The following MTERF4 variants were observed in gnomAD, a reference collection of about 807,000 sequenced individuals.
The protein encoded by MTERF4 is transcription termination factor 4, mitochondrial.
A neutral mutation model predicts 22.5 loss-of-function variants in MTERF4; 17 were observed. The observed-to-expected ratio is 0.75, with a 90% CI of 0.52 to 1.13. MTERF4 has a LOEUF of 1.13. Ranked by LOEUF, MTERF4 falls within the 50% of genes most tolerant of loss-of-function variation. The pLI is 0.00. For synonymous variants in MTERF4, 165 were observed against 175.3 expected (o/e 0.94, Z 0.47); for missense variants, 420 against 466.8 (o/e 0.90, Z 0.92).
At chr2:241,067,910 A>G, downstream of MTERF4, 5 of 1,613,232 alleles carry the variant, frequency 3.1e-6, no homozygotes, top group Non-Finnish European at 4.2e-6. Flanking sequence ...GGACCAGGCC[A>G]CCGATGTGGA....
At chr2:241,079,651 AAAC>A (rs1437344363) in intron 4 of MTERF4, among the ~76,000 whole-genome samples, 1 of 152,156 alleles carries the variant, frequency 6.6e-6, no homozygotes, top group Non-Finnish European at 1.5e-5. Context: ...AAGGTTTTAA[AAAC>A]AATAAAAAGA....
At chr2:241,065,501 C>G in the MTERF4 span, 1 of 1,612,934 alleles carries the variant, frequency 6.2e-7, no homozygotes, top group Non-Finnish European at 8.5e-7. Context: ...CCCTGGCGGC[C>G]GGCAGGGCCT....
At chr2:241,057,987 C>G in the MTERF4 span, among the ~76,000 whole-genome samples, 1 of 152,014 alleles carries the variant, frequency 6.6e-6, no homozygotes, top group African/African-American at 2.4e-5. Context: ...AGAAAAAATA[C>G]AAATATGAAT....
chr2:241,085,816 G>T (rs565371894), downstream of MTERF4, among the ~76,000 whole-genome samples: 1 of 150,598 alleles, frequency 6.6e-6, no homozygotes, highest in South Asian at 2.1e-4. Context: ...TTTATTCTGG[G>T]GTTAATTTTG....
chr2:241,070,246 A>T (rs1479171901), downstream of MTERF4: 20 of 1,550,992 alleles, frequency 1.3e-5, no homozygotes, highest in Non-Finnish European at 1.7e-5. Context: ...AGTGTTTGCC[A>T]GCCCTCCACC....
In MTERF4 at chr2:241,099,649, G is replaced by C. The variant is rs116089745; in HGVS notation, c.267C>G (p.Ser89=). The change falls in exon 2 of 4, where the codon TCC becomes TCG. Residue 89 remains serine (S), a synonymous_variant. Transcript: ENST00000391980. ...AACTCATGACCCTCTCTAGCTCCAAGGACCCTTGTACCACAGGAGTCCCCT... is the reference window on the plus strand; with the variant it reads ...AACTCATGACCCTCTCTAGCTCCAACGACCCTTGTACCACAGGAGTCCCCT... The part of the protein sequence containing the change: ...EKQGTPVVQG[S]LELERVMSSL... The C allele has an allele frequency of 1.1e-3, 1,729 of 1,614,162 alleles. No individual in the cohort carries two copies. Among genetic ancestry groups the C allele is most frequent in the Non-Finnish European group, 1.3e-3 (1,588 of 1,180,036 alleles).
At chr2:241,046,388 AC>A in the MTERF4 span, among the ~76,000 whole-genome samples, 10 of 152,228 alleles carry the variant, frequency 6.6e-5, no homozygotes, top group African/African-American at 2.4e-4. Context: ...TAATCACCAA[AC>A]CCCAAAACTC....
At chr2:241,046,123 A>G in the MTERF4 span, among the ~76,000 whole-genome samples, 2 of 152,246 alleles carry the variant, frequency 1.3e-5, no homozygotes, top group African/African-American at 4.8e-5. Flanking sequence ...AGGAATCACA[A>G]CAAACTCATT....
chr2:241,052,075 C>A, the MTERF4 span: 1 of 1,613,930 alleles, frequency 6.2e-7, no homozygotes, highest in Non-Finnish European at 8.5e-7. Context: ...GCCCCTGTCA[C>A]AACGGCGGCA....
chr2:241,068,007 C>T, downstream of MTERF4: 1 of 1,469,592 alleles, frequency 6.8e-7, no homozygotes, highest in Non-Finnish European at 9.3e-7. The surrounding 1 kb of genome is among the most constrained non-coding windows in gnomAD (Gnocchi z 5.3). Context: ...GGCTCGGGGA[C>T]ACGGGGCCCA....
the MTERF4 span, chr2:241,051,796 G>T: frequency 6.4e-7 from 1 of 1,560,232 alleles, no homozygotes; most frequent in Non-Finnish European, 8.7e-7. The surrounding 1 kb of genome is among the most constrained non-coding windows in gnomAD (Gnocchi z 4.7). Flanking sequence ...GCACGTGCAA[G>T]GAGGCGGGCG....
At chr2:241,060,187 CTTT>C in the MTERF4 span, among the ~76,000 whole-genome samples, 3 of 144,734 alleles carry the variant, frequency 2.1e-5, no homozygotes, top group Non-Finnish European at 3.1e-5. Flanking sequence ...AAACTATAAA[CTTT>C]TTTTTTTTTT....
the MTERF4 span, among the ~76,000 whole-genome samples, chr2:241,056,580 AT>A: frequency 3.5e-3 from 387 of 111,212 alleles, 3 homozygotes; most frequent in Non-Finnish European, 4.3e-3. Flanking sequence ...AATAAGTGAA[AT>A]TTTTTTTTTT....
intron 4 of MTERF4, among the ~76,000 whole-genome samples, chr2:241,077,612 C>A (rs1018652998): frequency 6.6e-6 from 1 of 152,060 alleles, no homozygotes; most frequent in Non-Finnish European, 1.5e-5. Context: ...CATACCTGAT[C>A]AGAGACCCAT....
chr2:241,054,117 T>C, the MTERF4 span, among the ~76,000 whole-genome samples: 1 of 118,088 alleles, frequency 8.5e-6, no homozygotes, highest in African/African-American at 4.0e-5. Flanking sequence ...GCATCCCTCC[T>C]TTCCTTCTGG....
the MTERF4 span, chr2:241,062,674 C>A: frequency 1.3e-6 from 1 of 754,208 alleles, no homozygotes; most frequent in South Asian, 1.5e-5. Flanking sequence ...TCTGGCCTTT[C>A]CAACCACTGA....
At chr2:241,067,833 T>G, downstream of MTERF4, 3 of 1,613,494 alleles carry the variant, frequency 1.9e-6, no homozygotes, top group Non-Finnish European at 2.5e-6. Context: ...CAGTGGGCCC[T>G]GCACAGGATC....
downstream of MTERF4, among the ~76,000 whole-genome samples, chr2:241,091,461 G>A (rs539103197): frequency 2.6e-5 from 4 of 152,220 alleles, no homozygotes; most frequent in South Asian, 2.1e-4. This position sits in a 1 kb window ranked among gnomAD's most constrained non-coding sequence, Gnocchi z 4.1. Flanking sequence ...CTCTAAGAAC[G>A]CGGGGTCCTC....
intron 4 of MTERF4, among the ~76,000 whole-genome samples, chr2:241,079,918 G>GA (rs1457333455): frequency 6.6e-6 from 1 of 152,140 alleles, no homozygotes; most frequent in Non-Finnish European, 1.5e-5. Flanking sequence ...GTAGGATAAA[G>GA]AAAATAATTG....
Sources: gnomAD v4.1 joint callset for allele counts (sites outside exome capture counted in the v4.1 genomes callset) on GRCh38, gnomAD v4.1.1 for gene constraint, Gnocchi (gnomAD v3.1) non-coding constraint, MANE v1.5 for transcripts, NCBI Gene and HGNC (gene_info 2026-07-23, HGNC 2026-07-21) for gene names.